THRB: variants seen among roughly 807,000 people sequenced by gnomAD.
The protein encoded by THRB is thyroid hormone receptor beta.
Under a neutral mutation model 47.8 loss-of-function variants are expected in THRB, and 12 were observed. That is an observed-to-expected ratio of 0.25 (90% CI 0.16 to 0.41). The LOEUF is 0.41. Ranked by LOEUF, THRB falls within the 10% of genes least tolerant of loss-of-function variation. THRB has a pLI of 1.00. For synonymous variants in THRB, 218 were observed against 212.2 expected, an observed-to-expected ratio of 1.03 and a Z score of -0.24; for missense variants, 348 against 589.2, an observed-to-expected ratio of 0.59 and a Z score of 4.24.
At chr3:24,354,992 C>T (rs2063581257) in intron 1 of THRB, among the ~76,000 whole-genome samples, 1 of 152,116 alleles carries the variant, frequency 6.6e-6, no homozygotes, top group Non-Finnish European at 1.5e-5. Context: ...GAGGAAAAGA[C>T]ATTTGTATGG....
intron 6 of THRB, 77 bp from the exon 7 acceptor site, chr3:24,146,899 A>G (rs1239679805): frequency 1.4e-6 from 2 of 1,382,730 alleles, no homozygotes; most frequent in East Asian, 2.3e-5. Flanking sequence ...TTGTGTCCAT[A>G]TAACTATGAG....
intron 1 of THRB, among the ~76,000 whole-genome samples, chr3:24,481,831 G>T (rs1228033485): frequency 7.2e-6 from 1 of 138,176 alleles, no homozygotes; most frequent in Non-Finnish European, 1.5e-5. Context: ...GTTTGAATAT[G>T]GACCATAAAA....
At chr3:24,308,902 C>T (rs2149179130) in intron 2 of THRB, among the ~76,000 whole-genome samples, 1 of 152,222 alleles carries the variant, frequency 6.6e-6, no homozygotes, top group Admixed American at 6.5e-5. Context: ...AATCTTTCTT[C>T]CTGGGAAGGA....
At chr3:24,182,683 A>G (rs1284068474) in intron 5 of THRB, among the ~76,000 whole-genome samples, 1 of 152,190 alleles carries the variant, frequency 6.6e-6, no homozygotes, top group Non-Finnish European at 1.5e-5. Context: ...TCTTTCCACA[A>G]TTCTGTGAAA....
chr3:24,164,708 C>T (rs1279773987), intron 5 of THRB, among the ~76,000 whole-genome samples: 2 of 152,122 alleles, frequency 1.3e-5, no homozygotes, highest in African/African-American at 4.8e-5. Flanking sequence ...AACACCTACC[C>T]GCCAGAAGGA....
At chr3:24,131,191 T>C (rs752210913) in intron 9 of THRB, among the ~76,000 whole-genome samples, 13 of 152,232 alleles carry the variant, frequency 8.5e-5, no homozygotes, top group Admixed American at 5.9e-4. Context: ...TTCATATATA[T>C]GTATGTATGT....
At chr3:24,437,435 A>T (rs2071084363) in intron 1 of THRB, among the ~76,000 whole-genome samples, 1 of 152,116 alleles carries the variant, frequency 6.6e-6, no homozygotes, top group East Asian at 1.9e-4. Context: ...AAATACAGTT[A>T]GATGGAAGGA....
chr3:24,295,204 G>T (rs1328852628), intron 3 of THRB, among the ~76,000 whole-genome samples: 2 of 152,142 alleles, frequency 1.3e-5, no homozygotes, highest in East Asian at 3.8e-4. Flanking sequence ...GCTCAAGATA[G>T]AAATATGAAA....
rs2148751089 is a variant in THRB, at chr3:24,119,064, T to C, written c.*3820A>G. The C allele has an allele frequency of 7.5e-6, 1 of 132,684 alleles. No homozygotes were observed. The highest frequency in any genetic ancestry group is 2.5e-4 in the South Asian group (1 of 4,034). The allele number at this position is 132,684 out of a possible 1,614,324, so 8.2% of individuals were successfully genotyped here. On this transcript the variant is annotated 3_prime_UTR_variant, in exon 11 of 11. Transcript: ENST00000646209. ...AGTAAAATGTCTCAATTGTAAAAAA[T>C]ACACACCGGGCAAATCCTTACCTGG...
At chr3:24,234,964 A>C (rs2048712305) in intron 3 of THRB, among the ~76,000 whole-genome samples, 1 of 152,176 alleles carries the variant, frequency 6.6e-6, no homozygotes, top group Non-Finnish European at 1.5e-5. Flanking sequence ...CCTGTGAAAA[A>C]TGGGGAGCCA....
chr3:24,216,807 T>C (rs1008349640), intron 4 of THRB, among the ~76,000 whole-genome samples: 2 of 152,188 alleles, frequency 1.3e-5, no homozygotes, highest in Admixed American at 1.3e-4. Flanking sequence ...ATCCCAATAA[T>C]TTCTTAATCT....
upstream of THRB, chr3:24,495,431 G>A (rs1698882295): frequency 6.5e-6 from 1 of 153,008 alleles, no homozygotes; most frequent in Admixed American, 6.5e-5. Context: ...CCGACCCCGA[G>A]TCCTACGCAC....
intron 4 of THRB, among the ~76,000 whole-genome samples, chr3:24,198,882 T>G (rs554877710): frequency 1.6e-4 from 24 of 151,970 alleles, no homozygotes; most frequent in African/African-American, 5.8e-4. Context: ...CTGGGGAGGG[T>G]GTGTCTTCCT....
intron 1 of THRB, among the ~76,000 whole-genome samples, chr3:24,461,173 G>C (rs749885555): frequency 2.0e-5 from 3 of 152,190 alleles, no homozygotes; most frequent in Non-Finnish European, 2.9e-5. Flanking sequence ...CATCACTTTG[G>C]AGAGGTTGGC....
intron 3 of THRB, among the ~76,000 whole-genome samples, chr3:24,279,685 G>A (rs114535799): frequency 0.011 from 1,725 of 151,796 alleles, 30 homozygotes; most frequent in African/African-American, 0.039. Context: ...GTGAGCCACC[G>A]TGCCCGGCCA....
chr3:24,170,533 C>T (rs948477387), intron 5 of THRB, among the ~76,000 whole-genome samples: 1 of 152,204 alleles, frequency 6.6e-6, no homozygotes, highest in Non-Finnish European at 1.5e-5. Flanking sequence ...GGTGGTCCTT[C>T]CCCACTACTT....
At chr3:24,184,271 A>G (rs574955493) in intron 5 of THRB, among the ~76,000 whole-genome samples, 5 of 152,238 alleles carry the variant, frequency 3.3e-5, no homozygotes, top group Non-Finnish European at 5.9e-5. Flanking sequence ...CAGTAACAAA[A>G]AACAAAGATG....
Position 24,190,338 on chromosome 3 carries a change from A to C in THRB, c.23-4T>G, listed in dbSNP as rs1299382337. 1 of 1,613,900 alleles carries C rather than the reference A, an allele frequency of 6.2e-7. No individual in the cohort carries two copies. The highest frequency in any genetic ancestry group is 8.5e-7 in the Non-Finnish European group (1 of 1,179,916). On this transcript the variant is annotated splice_polypyrimidine_tract_variant and splice_region_variant and intron_variant, in intron 4 of 10. Transcript: ENST00000646209. ...TCCCAGGCTGTAAGGCCATTTTCTA[A>C]AGGGTTGAAAAACACGAGATGACGA...
At chr3:24,268,342 G>C (rs2052880858) in intron 3 of THRB, among the ~76,000 whole-genome samples, 1 of 152,116 alleles carries the variant, frequency 6.6e-6, no homozygotes, top group South Asian at 2.1e-4. Flanking sequence ...TAAAAATAAT[G>C]CAATATAACA....
Sources: gnomAD v4.1 joint callset for allele counts (sites outside exome capture counted in the v4.1 genomes callset) on GRCh38, gnomAD v4.1.1 for gene constraint, MANE v1.5 for transcripts, NCBI Gene and HGNC (gene_info 2026-07-23, HGNC 2026-07-21) for gene names.